SPECC1: variants seen among roughly 807,000 people sequenced by gnomAD.
SPECC1 encodes cytospin-B.
SPECC1 carries 62 observed loss-of-function variants against 104.1 expected under a neutral mutation model. The observed-to-expected ratio is 0.60, with a 90% CI of 0.49 to 0.74. The LOEUF is 0.74. Ranked by LOEUF, SPECC1 falls within the 30% of genes least tolerant of loss-of-function variation. The pLI, the probability that SPECC1 is intolerant of heterozygous loss-of-function variation, is 0.00. For missense variants in SPECC1, 1,306 were observed against 1,310.5 expected, an observed-to-expected ratio of 1.00 and a Z score of 0.05; for synonymous variants, 513 against 501.6, an observed-to-expected ratio of 1.02 and a Z score of -0.30.
intron 12 of SPECC1, among the ~76,000 whole-genome samples, chr17:20,284,221 T>C (rs560598164): frequency 9.2e-5 from 14 of 152,294 alleles, no homozygotes; most frequent in African/African-American, 3.1e-4. Context: ...CTGGGAACAA[T>C]ATCCACTTCC....
At chr17:20,310,027 A>T (rs1426618192) in intron 14 of SPECC1, among the ~76,000 whole-genome samples, 3 of 151,822 alleles carry the variant, frequency 2.0e-5, no homozygotes, top group Non-Finnish European at 4.4e-5. Flanking sequence ...TCATCATGTT[A>T]GCCAGGCTGG....
intron 1 of SPECC1, among the ~76,000 whole-genome samples, chr17:20,061,982 G>A (rs1308299787): frequency 2.0e-5 from 3 of 151,780 alleles, no homozygotes; most frequent in South Asian, 2.1e-4. Flanking sequence ...TTTTGTGGCC[G>A]GGCACGGTGG....
chr17:20,163,702 A>C (rs1432377670), intron 3 of SPECC1, among the ~76,000 whole-genome samples: 1 of 152,034 alleles, frequency 6.6e-6, no homozygotes, highest in East Asian at 1.9e-4. Flanking sequence ...CTACGACTAC[A>C]GGAGCATGTC....
At chr17:20,120,227 T>G (rs1244319847) in intron 3 of SPECC1, among the ~76,000 whole-genome samples, 1 of 152,062 alleles carries the variant, frequency 6.6e-6, no homozygotes, top group South Asian at 2.1e-4. Flanking sequence ...TTACTAAAAA[T>G]AGAAAAAAAT....
At chr17:20,112,959 CA>C in intron 3 of SPECC1, 1 of 1,233,622 alleles carries the variant, frequency 8.1e-7, no homozygotes, top group African/African-American at 1.5e-5. Flanking sequence ...GAGATGCTAA[CA>C]CCACTACACA....
intron 1 of SPECC1, among the ~76,000 whole-genome samples, chr17:20,016,544 G>C (rs374971391): frequency 6.6e-6 from 1 of 152,176 alleles, no homozygotes; most frequent in Non-Finnish European, 1.5e-5. Context: ...TGGGCTTGGC[G>C]GGCCCCGCAC....
intron 1 of SPECC1, among the ~76,000 whole-genome samples, chr17:20,039,213 G>A (rs2045222521): frequency 6.6e-6 from 1 of 152,210 alleles, no homozygotes. Flanking sequence ...TACTTGAAAA[G>A]AATGTTTATT....
At position 20,287,284 on chromosome 17, in the gene SPECC1, G is replaced by A. The variant is rs561722325; in HGVS notation, c.2941-9677G>A. Among the ~76,000 whole-genome samples, 6 of 152,034 alleles carry A rather than the reference G, an allele frequency of 3.9e-5. No homozygotes were observed. The South Asian group carries it at 1.2e-3, about 32-fold the overall frequency. On this transcript the variant is annotated intron_variant, in intron 12 of 14. Coordinates refer to ENST00000395527, the MANE Select transcript of SPECC1 (RefSeq NM_001243439.2). ...TACAAAAAATTAGCCGGGCGCGGTG[G>A]CGGGCGCCTGTAGTCCCAGCTACTC...
intron 13 of SPECC1, among the ~76,000 whole-genome samples, chr17:20,304,260 A>C (rs914137240): frequency 1.3e-5 from 2 of 152,182 alleles, no homozygotes; most frequent in African/African-American, 2.4e-5. Context: ...ACTACACTCC[A>C]GCCTGGGTGA....
chr17:20,154,457 C>T (rs1411867687), intron 3 of SPECC1, among the ~76,000 whole-genome samples: 1 of 152,030 alleles, frequency 6.6e-6, no homozygotes, highest in East Asian at 1.9e-4. Flanking sequence ...GTGCAAAGGC[C>T]CTGAGATGGG....
chr17:20,062,558 C>T (rs1174594749), intron 1 of SPECC1, among the ~76,000 whole-genome samples: 1 of 152,022 alleles, frequency 6.6e-6, no homozygotes, highest in African/African-American at 2.4e-5. Context: ...AGAGATGGGG[C>T]CTTGCTATGA....
intron 3 of SPECC1, among the ~76,000 whole-genome samples, chr17:20,196,842 T>C (rs1332019749): frequency 6.6e-6 from 1 of 152,228 alleles, no homozygotes; most frequent in Non-Finnish European, 1.5e-5. Context: ...AAACTTAATA[T>C]CTGACCTGCA....
At chr17:20,313,173 T>C (rs2041975707) in intron 14 of SPECC1, among the ~76,000 whole-genome samples, 1 of 151,772 alleles carries the variant, frequency 6.6e-6, no homozygotes, top group African/African-American at 2.4e-5. Flanking sequence ...ACTTGCAAAA[T>C]GAACAAAAAT....
intron 11 of SPECC1, among the ~76,000 whole-genome samples, chr17:20,258,564 C>T (rs1381843532): frequency 1.3e-5 from 2 of 152,226 alleles, no homozygotes; most frequent in African/African-American, 4.8e-5. Context: ...TCATCCTGGT[C>T]TTCTAGATGC....
At chr17:20,201,513 C>A (rs928139889) in intron 3 of SPECC1, among the ~76,000 whole-genome samples, 3 of 151,858 alleles carry the variant, frequency 2.0e-5, no homozygotes, top group Non-Finnish European at 4.4e-5. Flanking sequence ...AAAAGTCAGC[C>A]TTAATTTAGT....
intron 4 of SPECC1, among the ~76,000 whole-genome samples, chr17:20,220,119 A>G (rs146625358): frequency 0.038 from 5,845 of 152,130 alleles, 367 homozygotes; most frequent in African/African-American, 0.13. Context: ...TGATTCTTCC[A>G]GTTTTGTTCT....
intron 3 of SPECC1, among the ~76,000 whole-genome samples, chr17:20,142,501 A>C (rs1045817154): frequency 6.6e-6 from 1 of 152,192 alleles, no homozygotes. Context: ...AAAAAGAAAG[A>C]ATTTCTGACA....
At chr17:20,272,777 T>C (rs2040449956) in intron 12 of SPECC1, among the ~76,000 whole-genome samples, 3 of 152,248 alleles carry the variant, frequency 2.0e-5, no homozygotes. Context: ...TTTTAACTTC[T>C]AGGATTTCTT....
chr17:20,025,161 T>A (rs2044551960), intron 1 of SPECC1, among the ~76,000 whole-genome samples: 1 of 151,940 alleles, frequency 6.6e-6, no homozygotes, highest in East Asian at 1.9e-4. Context: ...AGAGAAAAGA[T>A]GATGTGAAGA....
Sources: gnomAD v4.1 joint callset for allele counts (sites outside exome capture counted in the v4.1 genomes callset) on GRCh38, gnomAD v4.1.1 for gene constraint, MANE v1.5 for transcripts, NCBI Gene and HGNC (gene_info 2026-07-23, HGNC 2026-07-21) for gene names.